Variants in DOCK3 observed in about 807,000 individuals in gnomAD.
DOCK3 encodes dedicator of cytokinesis protein 3.
In DOCK3, 60 loss-of-function variants were observed where a neutral mutation model predicts 265.6. The observed-to-expected ratio is 0.23, with a 90% CI of 0.18 to 0.28. DOCK3 has a LOEUF of 0.28. DOCK3 is among the 10% of genes least tolerant of loss of function. DOCK3 has a pLI of 1.00. For synonymous variants in DOCK3, 881 were observed against 938.0 expected, an observed-to-expected ratio of 0.94 and a Z score of 1.11; for missense variants, 1,981 against 2,594.3, an observed-to-expected ratio of 0.76 and a Z score of 5.14.
chr3:50,841,596 A>T lies in DOCK3; in HGVS notation c.122-79A>T, dbSNP rs190967418. The T allele has an allele frequency of 6.7e-4, 400 of 597,324 alleles. 6 individuals are homozygous for T. The East Asian group carries it at 0.013, about 19-fold the overall frequency. The allele number at this position is 597,324 out of a possible 1,614,324, so 37.0% of individuals were successfully genotyped here. On this transcript the variant is annotated intron_variant, in intron 2 of 52. Transcript: ENST00000266037. ...TTTAAGGAAAGATGTGCATTTATCT[A>T]TTTTTTTCAAAAAATACTATTGTGT...
intron 9 of DOCK3, among the ~76,000 whole-genome samples, chr3:51,111,653 C>T (rs915548179): frequency 2.6e-5 from 4 of 152,016 alleles, no homozygotes; most frequent in African/African-American, 9.7e-5. Context: ...TACATGGGAA[C>T]AGGCAAAGAT....
intron 1 of DOCK3, among the ~76,000 whole-genome samples, chr3:50,737,131 AT>A (rs1205641582): frequency 2.0e-5 from 3 of 151,632 alleles, no homozygotes; most frequent in Non-Finnish European, 4.4e-5. Flanking sequence ...GATTGCAAAA[AT>A]TTTTTCCCAT....
chr3:50,836,735 A>G (rs1027573243), intron 2 of DOCK3, among the ~76,000 whole-genome samples: 5 of 151,970 alleles, frequency 3.3e-5, no homozygotes, highest in Admixed American at 1.3e-4. Flanking sequence ...GCAGGCTTGA[A>G]TTTCTCCCCA....
At chr3:50,932,619 G>A (rs892160935) in intron 4 of DOCK3, among the ~76,000 whole-genome samples, 1 of 152,154 alleles carries the variant, frequency 6.6e-6, no homozygotes, top group Admixed American at 6.5e-5. Context: ...AAGGTCCTAT[G>A]ACAGCTGGTC....
At chr3:51,184,701 C>T (rs938227282) in intron 12 of DOCK3, among the ~76,000 whole-genome samples, 4 of 152,164 alleles carry the variant, frequency 2.6e-5, no homozygotes, top group African/African-American at 9.7e-5. Context: ...TATAGATACT[C>T]AGCCATCAAG....
intron 27 of DOCK3, among the ~76,000 whole-genome samples, chr3:51,281,008 ATCAT>A (rs1219175721): frequency 6.6e-6 from 1 of 152,094 alleles, no homozygotes; most frequent in Non-Finnish European, 1.5e-5. Context: ...ATTCTCCAGA[ATCAT>A]TCCTCTCTCA....
At chr3:51,275,300 C>G in intron 25 of DOCK3, 94 bp downstream of exon 25, 1 of 1,556,448 alleles carries the variant, frequency 6.4e-7, no homozygotes, top group Non-Finnish European at 8.7e-7. Context: ...GCTTTGTACA[C>G]TTTTCAGTCA....
intron 10 of DOCK3, among the ~76,000 whole-genome samples, chr3:51,156,547 C>T (rs1019419213): frequency 2.0e-5 from 3 of 152,192 alleles, no homozygotes; most frequent in Admixed American, 1.3e-4. Context: ...TTTAGTCATA[C>T]ACCTATATTT....
chr3:51,069,590 G>GTA lies in DOCK3; in HGVS notation c.464+5007_464+5008dup, dbSNP rs976027603. Among the ~76,000 whole-genome samples, 404 of 147,084 alleles carry GTA rather than the reference G, an allele frequency of 2.7e-3. 1 individual carries two copies. Among genetic ancestry groups the GTA allele is most frequent in the African/African-American group, 8.8e-3 (331 of 37,524 alleles). ...TATGTGTGTATATGTGTGTGTGTGT[G>GTA]TATATATATATATAAATTTCTGGTT... is the stretch of plus-strand genomic sequence containing the variant. On this transcript the variant is annotated intron_variant, in intron 6 of 52. Coordinates refer to ENST00000266037, the MANE Select transcript of DOCK3 (RefSeq NM_004947.5).
intron 12 of DOCK3, among the ~76,000 whole-genome samples, chr3:51,203,299 T>C (rs1027109643): frequency 1.3e-5 from 2 of 152,214 alleles, no homozygotes; most frequent in Non-Finnish European, 2.9e-5. Flanking sequence ...CTCCTTAAGC[T>C]GATAAGCAAA....
Position 51,360,395 on chromosome 3 carries a change from A to G in DOCK3, c.4885-116A>G, listed in dbSNP as rs893073510. 6.6e-6 allele frequency: 9 copies of G among 1,359,236 alleles called. No homozygotes were observed. The African/African-American group carries it at 1.3e-4, about 20-fold the overall frequency. The allele number at this position is 1,359,236 out of a possible 1,614,324, so 84.2% of individuals were successfully genotyped here. A position where few individuals can be genotyped will look rare whatever the true frequency, so the allele number is the denominator to read the frequency against. ...GTCAGCAGTTCAGGTTCAGCCAACC[A>G]TATGATTCTTTTTTGTTTCTTTTAC... On this transcript the variant is annotated intron_variant, in intron 46 of 52. Coordinates refer to ENST00000266037, the MANE Select transcript of DOCK3 (RefSeq NM_004947.5).
intron 27 of DOCK3, among the ~76,000 whole-genome samples, chr3:51,291,197 TAAG>T (rs1423374557): frequency 2.0e-5 from 3 of 151,770 alleles, no homozygotes; most frequent in African/African-American, 7.3e-5. Flanking sequence ...CTACATCAAA[TAAG>T]AAGCAAGATC....
rs762134169 is a variant in DOCK3 at position 51,362,559 on chromosome 3, A to G, written c.5178A>G (p.Ser1726=). Residue 1726 remains serine, a synonymous_variant, in exon 49 of 53, where the codon TCA becomes TCG. Coordinates refer to ENST00000266037, the MANE Select transcript of DOCK3 (RefSeq NM_004947.5). ...ATCCCAACCCCAGGTACCAAGGCTCAGTCACCAACGTCTCTGTTCTGTCCT... is the reference window on the plus strand; with the variant it reads ...ATCCCAACCCCAGGTACCAAGGCTCGGTCACCAACGTCTCTGTTCTGTCCT... ...LAYPNPRYQG[S]VTNVSVLSSS... is the part of the protein sequence containing the mutation. 3 of 1,613,980 alleles carry G rather than the reference A, an allele frequency of 1.9e-6. No homozygotes were observed. The highest frequency in any genetic ancestry group is 1.3e-5 in the African/African-American group (1 of 75,038).
At chr3:50,793,692 C>T (rs1185771759) in intron 2 of DOCK3, among the ~76,000 whole-genome samples, 1 of 151,978 alleles carries the variant, frequency 6.6e-6, no homozygotes, top group African/African-American at 2.4e-5. Flanking sequence ...AATTCAACCC[C>T]TGCCTTCAAT....
chr3:51,200,587 G>A (rs2088671635), intron 12 of DOCK3, among the ~76,000 whole-genome samples: 1 of 152,004 alleles, frequency 6.6e-6, no homozygotes, highest in Admixed American at 6.5e-5. Context: ...AACCAAGCGG[G>A]AAAACACTCT....
chr3:50,728,040 T>C (rs1345620211), intron 1 of DOCK3, among the ~76,000 whole-genome samples: 1 of 152,182 alleles, frequency 6.6e-6, no homozygotes, highest in Non-Finnish European at 1.5e-5. Flanking sequence ...CTGACGTAGA[T>C]CATATGATGG....
intron 23 of DOCK3, among the ~76,000 whole-genome samples, chr3:51,263,384 A>G (rs1037681086): frequency 6.6e-6 from 1 of 152,222 alleles, no homozygotes; most frequent in Admixed American, 6.5e-5. Flanking sequence ...AGATTTTGTC[A>G]CCACCAGGCC....
chr3:50,828,335 T>C (rs963085527), intron 2 of DOCK3, among the ~76,000 whole-genome samples: 1 of 152,220 alleles, frequency 6.6e-6, no homozygotes, highest in Non-Finnish European at 1.5e-5. Flanking sequence ...TCTTGTCTTT[T>C]ATGCAACTAT....
chr3:51,349,060 C>G, intron 39 of DOCK3, 122 bp downstream of exon 39: 3 of 920,836 alleles, frequency 3.3e-6, no homozygotes, highest in South Asian at 1.6e-5. Context: ...AAAGCCAAGA[C>G]TCCTGCCCTC....
Sources: allele counts gnomAD v4.1 joint callset (sites outside exome capture counted in the v4.1 genomes callset), GRCh38; gene constraint gnomAD v4.1.1; transcripts MANE v1.5; gene names NCBI Gene and HGNC (gene_info 2026-07-23, HGNC 2026-07-21).